Variants in ATG13 observed in about 807,000 individuals in gnomAD.
The protein encoded by ATG13 is autophagy related 13.
ATG13 carries 23 observed loss-of-function variants against 65.5 expected under a neutral mutation model. The observed-to-expected ratio is 0.35, with a 90% CI of 0.25 to 0.50. The LOEUF is 0.50. ATG13 is among the 20% of genes least tolerant of loss of function. The probability of loss-of-function intolerance (pLI) is 0.98; values close to 1 mark genes in which losing one functional copy is unlikely to be tolerated. For missense variants in ATG13, 566 were observed against 677.0 expected (o/e 0.84, Z 1.82); for synonymous variants, 252 against 245.2 (o/e 1.03, Z -0.26).
intron 2 of ATG13, chr11:46,630,945 C>G (rs1354883134): frequency 2.0e-5 from 3 of 152,062 alleles, no homozygotes; most frequent in African/African-American, 4.8e-5. Context: ...CTCCTGGGCT[C>G]AAGAGATCAT....
intron 8 of ATG13, 132 bp from the exon 9 acceptor site, chr11:46,656,963 C>A: frequency 1.4e-6 from 1 of 740,496 alleles, no homozygotes; most frequent in Non-Finnish European, 2.4e-6. Flanking sequence ...GAAATTAAGG[C>A]TGCTGCACTT....
intron 7 of ATG13, among the ~76,000 whole-genome samples, chr11:46,654,303 A>G (rs1295031903): frequency 7.0e-6 from 1 of 143,810 alleles, no homozygotes; most frequent in Non-Finnish European, 1.5e-5. Flanking sequence ...ATATATATAT[A>G]TATATATGTA....
intron 7 of ATG13, among the ~76,000 whole-genome samples, chr11:46,655,522 C>T (rs1490710975): frequency 1.3e-5 from 2 of 152,104 alleles, no homozygotes; most frequent in African/African-American, 2.4e-5. Context: ...TGCAGTGAGC[C>T]GAGATCATGC....
intron 7 of ATG13, among the ~76,000 whole-genome samples, chr11:46,653,423 C>T (rs2059324311): frequency 6.6e-6 from 1 of 152,058 alleles, no homozygotes; most frequent in Admixed American, 6.5e-5. Context: ...ATCCGCCCAC[C>T]TCGGCCTCCC....
intron 11 of ATG13, 35 bp from the exon 12 acceptor site, chr11:46,663,962 T>TTTTTTTTTTC (rs1565600679): frequency 2.0e-5 from 24 of 1,227,214 alleles, no homozygotes; most frequent in South Asian, 1.0e-4. Flanking sequence ...TTTTTTTTTT[T>TTTTTTTTTTC]TGTTTCTCCT....
In ATG13 at chr11:46,654,283, T is replaced by TATATATATATATATATATATATA. The variant is rs1555105175; in HGVS notation, c.459-1950_459-1949insATATATATATATATATATATATA. On this transcript the variant is annotated intron_variant, in intron 7 of 18. Transcript: ENST00000683050. ...CCTCATCACTACTATTTTTAAAATT[T>TATATATATATATATATATATATA]TATATATATATATATATATATATAT... Among the ~76,000 whole-genome samples, 104 of 122,290 alleles carry TATATATATATATATATATATATA rather than the reference T, an allele frequency of 8.5e-4. 3 individuals are homozygous for TATATATATATATATATATATATA. The highest frequency in any genetic ancestry group is 2.9e-3 in the African/African-American group (84 of 29,206). 80.2% of individuals were successfully genotyped at this position (122,290 alleles called of 152,430 possible).
chr11:46,640,587 G>A (rs2055638279), intron 2 of ATG13, among the ~76,000 whole-genome samples: 1 of 152,188 alleles, frequency 6.6e-6, no homozygotes, highest in Admixed American at 6.5e-5. Context: ...GATTGCCTGA[G>A]CCTGGATGAT....
chr11:46,624,321 A>G (rs1251421423), intron 1 of ATG13, among the ~76,000 whole-genome samples: 2 of 152,168 alleles, frequency 1.3e-5, no homozygotes, highest in East Asian at 3.8e-4. Context: ...GAAATTTAAT[A>G]TTGATGCAAT....
At chr11:46,621,544 G>A (rs747193296) in intron 1 of ATG13, among the ~76,000 whole-genome samples, 3 of 151,952 alleles carry the variant, frequency 2.0e-5, no homozygotes, top group Non-Finnish European at 4.4e-5. Flanking sequence ...TAATTTCTTG[G>A]GTTTTCATTT....
intron 1 of ATG13, among the ~76,000 whole-genome samples, chr11:46,627,095 C>G (rs1565422830): frequency 6.6e-6 from 1 of 152,022 alleles, no homozygotes; most frequent in Non-Finnish European, 1.5e-5. Context: ...AGATAATTAG[C>G]CCGGGCCGGG....
intron 7 of ATG13, among the ~76,000 whole-genome samples, chr11:46,652,448 C>T (rs2059117143): frequency 6.6e-6 from 1 of 152,122 alleles, no homozygotes; most frequent in African/African-American, 2.4e-5. Context: ...GGTGTAGTGA[C>T]TCACGCCTAT....
chr11:46,646,617 C>T (rs1241009694), intron 5 of ATG13, among the ~76,000 whole-genome samples: 2 of 152,118 alleles, frequency 1.3e-5, no homozygotes, highest in African/African-American at 4.8e-5. Flanking sequence ...GAGCCTACCA[C>T]CATGCCCAGC....
chr11:46,643,610 G>A (rs2056762820), intron 2 of ATG13, among the ~76,000 whole-genome samples: 1 of 147,862 alleles, frequency 6.8e-6, no homozygotes, highest in African/African-American at 2.5e-5. Context: ...AACCTGGGAG[G>A]GCTTTTTTTT....
At chr11:46,641,608 A>G (rs944278458) in intron 2 of ATG13, among the ~76,000 whole-genome samples, 2 of 152,224 alleles carry the variant, frequency 1.3e-5, no homozygotes, top group African/African-American at 4.8e-5. Flanking sequence ...GTGGATTTAT[A>G]GACTGAGAGG....
intron 1 of ATG13, among the ~76,000 whole-genome samples, chr11:46,622,158 C>G (rs559064798): frequency 3.5e-5 from 5 of 141,022 alleles, no homozygotes; most frequent in Admixed American, 7.5e-5. Context: ...TGCCCTGTTT[C>G]CCAGACTGGA....
At position 46,636,028 on chromosome 11, in the gene ATG13, A is replaced by C. The variant is rs72912156; in HGVS notation, c.-14+5928A>C. On this transcript the variant is annotated intron_variant, in intron 2 of 18. Coordinates refer to ENST00000683050, the MANE Select transcript of ATG13 (RefSeq NM_001346311.2). ...TGGCACAGTTGTTAGTGTTCTTTTT[A>C]ACCAAAATTAGGAATGTCTGAAGTG... 4.7e-3 allele frequency among the ~76,000 whole-genome samples: 714 copies of C among 152,194 alleles called. 4 individuals are homozygous for C. Among genetic ancestry groups the C allele is most frequent in the Non-Finnish European group, 7.6e-3 (520 of 68,002 alleles).
chr11:46,656,265 T>C lies in ATG13; in HGVS notation c.491T>C (p.Leu164Ser). The change falls in exon 8 of 19, where the codon TTA (leucine) becomes TCA (serine). Residue 164 changes from leucine (L) to serine (S), a missense_variant. This residue lies in a region of ATG13 where 179 missense variants were observed against 267.2 expected (regional missense o/e 0.67). Coordinates refer to ENST00000683050, the MANE Select transcript of ATG13 (RefSeq NM_001346311.2). ...IYFGEVQLSGLGEGFQTVRVG... is the reference protein window; with the variant it reads ...IYFGEVQLSGSGEGFQTVRVG... ...TTTGGAGAAGTTCAGCTGAGTGGCTTAGGAGAAGGTATGTATCAACGGTTG... is the reference window on the plus strand; with the variant it reads ...TTTGGAGAAGTTCAGCTGAGTGGCTCAGGAGAAGGTATGTATCAACGGTTG... The C allele has an allele frequency of 6.2e-7, 1 of 1,612,536 alleles. No individual in the cohort carries two copies. Among genetic ancestry groups the C allele is most frequent in the Non-Finnish European group, 8.5e-7 (1 of 1,178,580 alleles).
intron 1 of ATG13, among the ~76,000 whole-genome samples, chr11:46,622,088 T>C (rs1200144432): frequency 5.0e-5 from 2 of 40,204 alleles, no homozygotes; most frequent in Non-Finnish European, 8.7e-5. Flanking sequence ...TATATATATA[T>C]ATATATATAT....
chr11:46,667,034 T>A (rs1432219216), intron 14 of ATG13, among the ~76,000 whole-genome samples: 1 of 152,124 alleles, frequency 6.6e-6, no homozygotes, highest in East Asian at 1.9e-4. Context: ...TACACTCTAG[T>A]TTTCTGAGCC....
Sources: gnomAD v4.1 joint callset for allele counts (sites outside exome capture counted in the v4.1 genomes callset) on GRCh38, gnomAD v4.1.1 for gene constraint, gnomAD v4.1.1 regional missense constraint, MANE v1.5 for transcripts, NCBI Gene and HGNC (gene_info 2026-07-23, HGNC 2026-07-21) for gene names.